Variants in BBS9 observed in about 807,000 individuals in gnomAD.
The protein encoded by BBS9 is Bardet-Biedl syndrome 9.
BBS9 carries 89 observed loss-of-function variants against 117.7 expected under a neutral mutation model. The observed-to-expected ratio is 0.76, with a 90% CI of 0.64 to 0.90. The LOEUF is 0.90. Ranked by LOEUF, BBS9 falls within the 40% of genes least tolerant of loss-of-function variation. The pLI is 0.00. For synonymous variants in BBS9, 379 were observed against 370.9 expected (o/e 1.02, Z -0.25); for missense variants, 982 against 1,042.2 (o/e 0.94, Z 0.80).
At chr7:33,388,904 C>G (rs1826519758) in intron 19 of BBS9, among the ~76,000 whole-genome samples, 1 of 152,138 alleles carries the variant, frequency 6.6e-6, no homozygotes, top group African/African-American at 2.4e-5. Context: ...TCTCCTGTTT[C>G]AAAGTCAGTG....
intron 19 of BBS9, among the ~76,000 whole-genome samples, chr7:33,485,091 G>A (rs571957967): frequency 2.0e-3 from 302 of 152,218 alleles, no homozygotes; most frequent in African/African-American, 6.8e-3. Flanking sequence ...GGAGCTGAAC[G>A]ATGAGAACAC....
intron 21 of BBS9, among the ~76,000 whole-genome samples, chr7:33,588,615 G>A (rs140276065): frequency 2.0e-3 from 302 of 152,264 alleles, no homozygotes; most frequent in Middle Eastern, 6.8e-3. Context: ...CTATGTATGT[G>A]AGAAAGTAGT....
rs35407590 is a variant in BBS9 at position 33,231,428 on chromosome 7, C to CTTTTTTTTTTTTTTTTTTTTTTTTT, written c.443-25791_443-25790insTTTTTTTTTTTTTTTTTTTTTTTTT. On this transcript the variant is annotated intron_variant, in intron 5 of 22. Transcript: ENST00000242067. Reference sequence around the variant, plus strand: ...TATTCTGTTCCTCTGGCCTATGTGTCTTTTTTTTTTTTTTTTTGCCAGGAC... The same window carrying CTTTTTTTTTTTTTTTTTTTTTTTTT: ...TATTCTGTTCCTCTGGCCTATGTGTCTTTTTTTTTTTTTTTTTTTTTTTTTTTTTTTTTTTTTTTTTTGCCAGGAC... Among the ~76,000 whole-genome samples, 123 of 106,344 alleles carry CTTTTTTTTTTTTTTTTTTTTTTTTT rather than the reference C, an allele frequency of 1.2e-3. 4 individuals carry two copies. Among genetic ancestry groups the CTTTTTTTTTTTTTTTTTTTTTTTTT allele is most frequent in the Non-Finnish European group, 1.4e-3 (70 of 51,768 alleles). The allele number at this position is 106,344 out of a possible 152,430, so 69.8% of individuals were successfully genotyped here.
At chr7:33,411,409 A>G (rs1831119851) in intron 19 of BBS9, among the ~76,000 whole-genome samples, 2 of 152,170 alleles carry the variant, frequency 1.3e-5, no homozygotes, top group South Asian at 2.1e-4. Context: ...AACACACTCA[A>G]TACAGATGCA....
At chr7:33,545,780 T>C (rs1345556587) in intron 21 of BBS9, among the ~76,000 whole-genome samples, 1 of 152,106 alleles carries the variant, frequency 6.6e-6, no homozygotes, top group African/African-American at 2.4e-5. Flanking sequence ...CCAACTATTA[T>C]TCAATATATG....
intron 13 of BBS9, among the ~76,000 whole-genome samples, chr7:33,350,273 C>T (rs187805877): frequency 3.9e-5 from 6 of 152,168 alleles, no homozygotes; most frequent in South Asian, 4.2e-4. Context: ...GAGTGCCTGC[C>T]GTTAGTAGGA....
At chr7:33,239,804 A>G (rs1028280952) in intron 5 of BBS9, among the ~76,000 whole-genome samples, 1 of 151,970 alleles carries the variant, frequency 6.6e-6, no homozygotes, top group Admixed American at 6.6e-5. Flanking sequence ...GAGGCCAGGA[A>G]TTCAAGACCA....
intron 1 of BBS9, among the ~76,000 whole-genome samples, chr7:33,139,229 G>T (rs1562656997): frequency 6.6e-6 from 1 of 151,218 alleles, no homozygotes; most frequent in East Asian, 2.2e-4. Flanking sequence ...TCCAGCCTGG[G>T]CAACAAGAGT....
At chr7:33,451,431 A>G (rs1837852616) in intron 19 of BBS9, among the ~76,000 whole-genome samples, 1 of 152,054 alleles carries the variant, frequency 6.6e-6, no homozygotes, top group Non-Finnish European at 1.5e-5. Context: ...AGTTTTCTCA[A>G]TATTATTTGT....
At chr7:33,546,033 A>G (rs113044735) in intron 21 of BBS9, among the ~76,000 whole-genome samples, 19,566 of 138,964 alleles carry the variant, frequency 0.14, 1,541 homozygotes, top group African/African-American at 0.22. Flanking sequence ...TCCCAGGTTC[A>G]TGCCATTCTC....
intron 21 of BBS9, among the ~76,000 whole-genome samples, chr7:33,572,470 G>T (rs762963104): frequency 6.6e-6 from 1 of 152,032 alleles, no homozygotes; most frequent in Non-Finnish European, 1.5e-5. Context: ...CAGTGGGATT[G>T]CCAGATCATA....
At chr7:33,423,527 G>A (rs1037801184) in intron 19 of BBS9, among the ~76,000 whole-genome samples, 3 of 151,462 alleles carry the variant, frequency 2.0e-5, no homozygotes, top group South Asian at 2.1e-4. Flanking sequence ...TTCATATGAT[G>A]TGTGAAGAAT....
At chr7:33,209,610 G>T (rs1007219334) in intron 5 of BBS9, among the ~76,000 whole-genome samples, 4 of 152,126 alleles carry the variant, frequency 2.6e-5, no homozygotes, top group Non-Finnish European at 2.9e-5. Flanking sequence ...ATTTGTCACA[G>T]TTCAATGTTG....
chr7:33,592,496 T>C (rs1862092844), intron 21 of BBS9, among the ~76,000 whole-genome samples: 1 of 152,144 alleles, frequency 6.6e-6, no homozygotes. Context: ...CATTGTTTAA[T>C]GGGCTGTTAA....
chr7:33,206,079 AT>A (rs1339132450), intron 5 of BBS9, among the ~76,000 whole-genome samples: 1 of 151,918 alleles, frequency 6.6e-6, no homozygotes, highest in African/African-American at 2.4e-5. Flanking sequence ...TTGTTGTTTC[AT>A]TTTTTTCCCC....
intron 21 of BBS9, among the ~76,000 whole-genome samples, chr7:33,583,221 T>G (rs1321639920): frequency 1.3e-5 from 2 of 152,136 alleles, no homozygotes; most frequent in Non-Finnish European, 2.9e-5. Context: ...TCCTCTCCCC[T>G]CTACCCTTTC....
chr7:33,260,953 T>G (rs2128319116), intron 6 of BBS9, among the ~76,000 whole-genome samples: 1 of 152,346 alleles, frequency 6.6e-6, no homozygotes, highest in African/African-American at 2.4e-5. Context: ...TAAAAGTGTT[T>G]CTGTTGAATT....
At chr7:33,490,441 T>A (rs1843737513) in intron 19 of BBS9, among the ~76,000 whole-genome samples, 1 of 152,264 alleles carries the variant, frequency 6.6e-6, no homozygotes, top group Non-Finnish European at 1.5e-5. Context: ...TGTCCCTTTT[T>A]GTTTAATTCT....
chr7:33,322,881 G>T (rs1172370737), intron 9 of BBS9, among the ~76,000 whole-genome samples: 12 of 151,970 alleles, frequency 7.9e-5, no homozygotes, highest in South Asian at 4.1e-4. Context: ...TAGCAGTAAA[G>T]TTCCCTTCTA....
Sources: gnomAD v4.1 joint callset for allele counts (sites outside exome capture counted in the v4.1 genomes callset) on GRCh38, gnomAD v4.1.1 for gene constraint, MANE v1.5 for transcripts, NCBI Gene and HGNC (gene_info 2026-07-23, HGNC 2026-07-21) for gene names.